SMIM17: variants seen among roughly 807,000 people sequenced by gnomAD.
SMIM17 encodes small integral membrane protein 17.
In SMIM17, 10 loss-of-function variants were observed where a neutral mutation model predicts 12.2. That is an observed-to-expected ratio of 0.82 (90% CI 0.50 to 1.39). The LOEUF (loss-of-function observed/expected upper bound fraction) is 1.39, where lower values mean the gene tolerates loss of function less well. Among genes scored for constraint, SMIM17 ranks in the 40% most tolerant of loss-of-function variants. The pLI is 0.00. For missense variants in SMIM17, 136 were observed against 118.2 expected (o/e 1.15, Z -0.70); for synonymous variants, 50 against 44.1 (o/e 1.13, Z -0.53).
In SMIM17 at chr19:56,655,300, A is replaced by C; in HGVS notation, c.*87A>C. ...TAAGGAATTGTGCTAGTTAAAAATCAGGAATAGGTGTTGAATATTTTCAAA... is the reference window on the plus strand; with the variant it reads ...TAAGGAATTGTGCTAGTTAAAAATCCGGAATAGGTGTTGAATATTTTCAAA... On this transcript the variant is annotated 3_prime_UTR_variant, in exon 4 of 4. Coordinates refer to ENST00000598409, the MANE Select transcript of SMIM17 (RefSeq NM_001193628.2). 1.7e-6 allele frequency: 1 copy of C among 592,392 alleles called. No individual in the cohort carries two copies. The highest frequency in any genetic ancestry group is 2.1e-5 in the South Asian group (1 of 46,728). The allele number at this position is 592,392 out of a possible 1,614,324, so 36.7% of individuals were successfully genotyped here.
At chr19:56,652,536 C>T (rs2045117340) in intron 3 of SMIM17, among the ~76,000 whole-genome samples, 1 of 152,020 alleles carries the variant, frequency 6.6e-6, no homozygotes, top group African/African-American at 2.4e-5. Context: ...GCCTGTAATC[C>T]CAGCTACTCG....
rs2045042859 is a variant in SMIM17, at chr19:56,643,913, G to C, written c.-101+703G>C. Reference sequence around the variant, plus strand: ...CCGGTATTTTTATTGCTTTTACTGTGGTTGCTGGTTGTCGTTGTTGTGACT... The same window carrying C: ...CCGGTATTTTTATTGCTTTTACTGTCGTTGCTGGTTGTCGTTGTTGTGACT... On this transcript the variant is annotated intron_variant, in intron 1 of 3. Coordinates refer to ENST00000598409, the MANE Select transcript of SMIM17 (RefSeq NM_001193628.2). Among the ~76,000 whole-genome samples the C allele has an allele frequency of 3.3e-5, 5 of 152,102 alleles. No homozygotes were observed. The South Asian group carries it at 1.0e-3, about 32-fold the overall frequency.
At chr19:56,648,369 T>C (rs1206341410) in intron 3 of SMIM17, among the ~76,000 whole-genome samples, 3 of 114,838 alleles carry the variant, frequency 2.6e-5, no homozygotes, top group African/African-American at 1.1e-4. Context: ...TGCATCCATA[T>C]ACCCATTCCA....
intron 1 of SMIM17, among the ~76,000 whole-genome samples, chr19:56,643,999 G>C (rs2045043402): frequency 6.6e-6 from 1 of 151,956 alleles, no homozygotes; most frequent in Non-Finnish European, 1.5e-5. Context: ...CTGAGGCTGT[G>C]GGGTGTGAAT....
intron 2 of SMIM17, 61 bp from the exon 3 acceptor site, chr19:56,647,497 A>G: frequency 1.6e-6 from 2 of 1,270,680 alleles, no homozygotes; most frequent in Non-Finnish European, 2.2e-6. Flanking sequence ...GGAAGAGCCC[A>G]CTCCTGCCAT....
At position 56,647,420 on chromosome 19, in the gene SMIM17, T is replaced by TGAGAGAGAGAGAGA. The variant is rs72370552; in HGVS notation, c.170-120_170-107dup. Reference sequence around the variant, plus strand: ...GAGAGAGAGAGAGAGAGAAGGAGGGTGAGAGAGAGAGAGAGAGAGAGAGAG... The same window carrying TGAGAGAGAGAGAGA: ...GAGAGAGAGAGAGAGAGAAGGAGGGTGAGAGAGAGAGAGAGAGAGAGAGAGAGAGAGAGAGAGAG... On this transcript the variant is annotated intron_variant, in intron 2 of 3. Transcript: ENST00000598409. 8.1e-4 allele frequency: 442 copies of TGAGAGAGAGAGAGA among 548,442 alleles called. 1 individual carries two copies. Among genetic ancestry groups the TGAGAGAGAGAGAGA allele is most frequent in the African/African-American group, 7.9e-3 (372 of 47,260 alleles). The allele number at this position is 548,442 out of a possible 1,614,324, so 34.0% of individuals were successfully genotyped here. A position where few individuals can be genotyped will look rare whatever the true frequency, so the allele number is the denominator to read the frequency against.
At chr19:56,650,820 C>T (rs2045103447) in intron 3 of SMIM17, among the ~76,000 whole-genome samples, 1 of 152,204 alleles carries the variant, frequency 6.6e-6, no homozygotes, top group Non-Finnish European at 1.5e-5. Flanking sequence ...TTCTAGCCTC[C>T]AGCATAGGGA....
In SMIM17 at chr19:56,645,693, C is replaced by T. The variant is rs1172979837; in HGVS notation, c.26C>T (p.Thr9Ile). 2.5e-5 allele frequency: 38 copies of T among 1,534,088 alleles called. No homozygotes were observed. Among genetic ancestry groups the T allele is most frequent in the Non-Finnish European group, 3.1e-5 (35 of 1,146,284 alleles). MQSLRPEQ[T>I]RGLLEPERTK... ...ATGCAGAGTCTCAGGCCTGAGCAGACACGGGGGCTGCTGGAGCCTGAGAGG... is the reference window on the plus strand; with the variant it reads ...ATGCAGAGTCTCAGGCCTGAGCAGATACGGGGGCTGCTGGAGCCTGAGAGG... Residue 9 changes from threonine to isoleucine, a missense_variant, in exon 2 of 4, where the codon ACA becomes ATA. Coordinates refer to ENST00000598409, the MANE Select transcript of SMIM17 (RefSeq NM_001193628.2).
At chr19:56,651,406 G>A (rs747963653) in intron 3 of SMIM17, among the ~76,000 whole-genome samples, 1 of 152,230 alleles carries the variant, frequency 6.6e-6, no homozygotes, top group African/African-American at 2.4e-5. Context: ...AGAGGAGTGA[G>A]TGAAGAAGTG....
chr19:56,648,647 C>T (rs2148040887), intron 3 of SMIM17, among the ~76,000 whole-genome samples: 1 of 152,218 alleles, frequency 6.6e-6, no homozygotes, highest in Admixed American at 6.5e-5. Flanking sequence ...TATTCACACA[C>T]CCAGTCATAA....
chr19:56,647,487 G>C (rs1036279078), intron 2 of SMIM17, 71 bp from the exon 3 acceptor site: 11 of 1,115,368 alleles, frequency 9.9e-6, no homozygotes, highest in Non-Finnish European at 1.3e-5. Context: ...GATGCCAGTG[G>C]GAAGAGCCCA....
At chr19:56,653,118 C>A (rs1001128526) in intron 3 of SMIM17, among the ~76,000 whole-genome samples, 1 of 152,136 alleles carries the variant, frequency 6.6e-6, no homozygotes, top group Non-Finnish European at 1.5e-5. Flanking sequence ...AACCAACACC[C>A]CAATCAAGAT....
rs79381688 is a variant in SMIM17 at position 56,653,320 on chromosome 19, A to G, written c.247-1783A>G. On this transcript the variant is annotated intron_variant, in intron 3 of 3. Transcript: ENST00000598409. ...TTTTTTAATTCCAAAAAAGGAAATT[A>G]TGGCAAAATTGTTATTCCTCCAGTT... is the stretch of plus-strand genomic sequence containing the variant. 9.8e-3 allele frequency among the ~76,000 whole-genome samples: 1,499 copies of G among 152,352 alleles called. 24 individuals carry two copies. The highest frequency in any genetic ancestry group is 0.034 in the African/African-American group (1,409 of 41,570).
At chr19:56,652,949 A>AATTTCTAT (rs2148044398) in intron 3 of SMIM17, among the ~76,000 whole-genome samples, 1 of 152,214 alleles carries the variant, frequency 6.6e-6, no homozygotes, top group Admixed American at 6.5e-5. Context: ...TGAGGCATCC[A>AATTTCTAT]TGGGTCTATT....
intron 3 of SMIM17, 53 bp downstream of exon 3, chr19:56,647,687 A>C: frequency 4.0e-5 from 57 of 1,423,642 alleles, no homozygotes; most frequent in Non-Finnish European, 4.9e-5. Flanking sequence ...TGTAGATCTC[A>C]GCACTTTGTC....
intron 1 of SMIM17, among the ~76,000 whole-genome samples, chr19:56,645,057 C>A (rs2045051213): frequency 6.6e-6 from 1 of 152,122 alleles, no homozygotes; most frequent in South Asian, 2.1e-4. Flanking sequence ...TTGTTATATA[C>A]AAATGTGCAG....
rs1390379974 is a variant in SMIM17, at chr19:56,655,586, G to A, written c.*373G>A. 3 of 238,168 alleles carry A rather than the reference G, an allele frequency of 1.3e-5. No homozygotes were observed. Among genetic ancestry groups the A allele is most frequent in the Non-Finnish European group, 1.6e-5 (2 of 124,852 alleles). 14.8% of individuals were successfully genotyped at this position (238,168 alleles called of 1,614,324 possible). ...CATCAAACCAACTTTGCATTCTTAA[G>A]GTTTTGGTGCACCAGTCTTTTCATA... On this transcript the variant is annotated 3_prime_UTR_variant, in exon 4 of 4. Transcript: ENST00000598409.
rs1323612165 is a variant in SMIM17, at chr19:56,655,711, G to A, written c.*498G>A. On this transcript the variant is annotated 3_prime_UTR_variant, in exon 4 of 4. Transcript: ENST00000598409. ...TGTGAAGTTTTGGTATCATGGTTAA[G>A]CTTGCATCATAGAAAGACTTGGGTA... 6.5e-6 allele frequency: 1 copy of A among 154,638 alleles called. No homozygotes were observed. The highest frequency in any genetic ancestry group is 2.4e-5 in the African/African-American group (1 of 41,494). The allele number at this position is 154,638 out of a possible 1,614,324, so 9.6% of individuals were successfully genotyped here. A position where few individuals can be genotyped will look rare whatever the true frequency, so the allele number is the denominator to read the frequency against.
Position 56,644,739 on chromosome 19 carries a change from T to C in SMIM17, c.-100-829T>C, listed in dbSNP as rs1196411508. Among the ~76,000 whole-genome samples the C allele has an allele frequency of 2.6e-5, 4 of 152,198 alleles. No homozygotes were observed. In the South Asian group the frequency reaches 6.2e-4, roughly 24 times the overall value. ...TCTGGACCTATATTTAATTTTCATT[T>C]GTAGAAAAGTGACAGTAAAAGAGTC... On this transcript the variant is annotated intron_variant, in intron 1 of 3. Transcript: ENST00000598409.
Sources: allele counts gnomAD v4.1 joint callset (sites outside exome capture counted in the v4.1 genomes callset), GRCh38; gene constraint gnomAD v4.1.1; transcripts MANE v1.5; gene names NCBI Gene and HGNC (gene_info 2026-07-23, HGNC 2026-07-21).